The following TMEM61 variants were observed in gnomAD, a reference collection of about 807,000 sequenced individuals.
TMEM61 encodes the protein transmembrane protein 61.
A neutral mutation model predicts 12.0 loss-of-function variants in TMEM61; 13 were observed. That is an observed-to-expected ratio of 1.08 (90% CI 0.70 to 1.72). The LOEUF is 1.72. Ranked by LOEUF, TMEM61 falls within the 40% of genes most tolerant of loss-of-function variation. The pLI, the probability that TMEM61 is intolerant of heterozygous loss-of-function variation, is 0.00. For synonymous variants in TMEM61, 109 were observed against 121.4 expected, an observed-to-expected ratio of 0.90 and a Z score of 0.67; for missense variants, 249 against 276.9, an observed-to-expected ratio of 0.90 and a Z score of 0.71.
intron 2 of TMEM61, among the ~76,000 whole-genome samples, chr1:54,990,197 G>A (rs555429877): frequency 1.3e-5 from 2 of 152,220 alleles, no homozygotes; most frequent in Non-Finnish European, 2.9e-5. Context: ...GGAGGTCTGT[G>A]AGAGTTCACA....
chr1:54,991,792 G>C, intron 2 of TMEM61, 44 bp from the exon 3 acceptor site: 1 of 1,594,346 alleles, frequency 6.3e-7, no homozygotes, highest in Admixed American at 1.7e-5. Context: ...AGGCAGCAGG[G>C]TCTGCCCCAG....
chr1:54,986,251 C>T lies in TMEM61; in HGVS notation c.170C>T (p.Pro57Leu), dbSNP rs775542202. The change falls in exon 2 of 3, where the codon CCG (proline) becomes CTG (leucine). Residue 57 changes from proline (P) to leucine (L), a missense_variant. By Grantham distance (98) the Pro-to-Leu change is moderately conservative (BLOSUM62 -3). Transcript: ENST00000371268. ...CAGCTGGCCCCACCCACGGAGTATC[C>T]GGTGCCTGAGGGCCCCAGCCCCCTG... ...PGQLAPPTEY[P>L]VPEGPSPLLR... 40 of 1,613,816 alleles carry T rather than the reference C, an allele frequency of 2.5e-5. No homozygotes were observed. The highest frequency in any genetic ancestry group is 6.7e-5 in the East Asian group (3 of 44,884).
intron 1 of TMEM61, among the ~76,000 whole-genome samples, chr1:54,981,827 G>A (rs1054600981): frequency 2.0e-5 from 3 of 152,184 alleles, no homozygotes; most frequent in Non-Finnish European, 4.4e-5. Flanking sequence ...ATTCAGGCTG[G>A]CCCTGCCACC....
chr1:54,981,866 A>G (rs1209926374), intron 1 of TMEM61, among the ~76,000 whole-genome samples: 1 of 152,240 alleles, frequency 6.6e-6, no homozygotes, highest in Non-Finnish European at 1.5e-5. Flanking sequence ...GATGAAGGGC[A>G]GGGACAGGTG....
rs1176646109 is a variant in TMEM61, at chr1:54,980,653, A to T, written c.-413A>T. The T allele has an allele frequency of 5.9e-6, 1 of 170,424 alleles. No individual in the cohort carries two copies. The highest frequency in any genetic ancestry group is 1.2e-5 in the Non-Finnish European group (1 of 80,232). The allele number at this position is 170,424 out of a possible 1,614,324, so 10.6% of individuals were successfully genotyped here. A position where few individuals can be genotyped will look rare whatever the true frequency, so the allele number is the denominator to read the frequency against. On this transcript the variant is annotated 5_prime_UTR_variant, in exon 1 of 3. Coordinates refer to ENST00000371268, the MANE Select transcript of TMEM61 (RefSeq NM_182532.3). The stretch of plus-strand genomic sequence containing the variant: ...AGCGCTGGACACCTGGAGCTGCCCG[A>T]GGACGCGGAGGAGAGGTGGGGCGGG...
In TMEM61 at chr1:54,983,109, G is replaced by GTTTTTTTTTTTTTTTTTT. The variant is rs780127208; in HGVS notation, c.15+2041_15+2042insTTTTTTTTTTTTTTTTTT. Among the ~76,000 whole-genome samples, 72 of 109,534 alleles carry GTTTTTTTTTTTTTTTTTT rather than the reference G, an allele frequency of 6.6e-4. 10 individuals are homozygous for GTTTTTTTTTTTTTTTTTT. Among genetic ancestry groups the GTTTTTTTTTTTTTTTTTT allele is most frequent in the Non-Finnish European group, 1.1e-3 (60 of 54,406 alleles). The allele number at this position is 109,534 out of a possible 152,430, so 71.9% of individuals were successfully genotyped here. ...TTAGTGGTGATTTGTGTTTTGCTTT[G>GTTTTTTTTTTTTTTTTTT]TTTTTTTTTTTTGTTTTTTTTTGAG... On this transcript the variant is annotated intron_variant, in intron 1 of 2. Coordinates refer to ENST00000371268, the MANE Select transcript of TMEM61 (RefSeq NM_182532.3).
In TMEM61 at chr1:54,992,273, A is replaced by C; in HGVS notation, c.*170A>C. 1.3e-6 allele frequency: 1 copy of C among 798,162 alleles called. No individual in the cohort carries two copies. Among genetic ancestry groups the C allele is most frequent in the Non-Finnish European group, 1.9e-6 (1 of 516,976 alleles). 49.4% of individuals were successfully genotyped at this position (798,162 alleles called of 1,614,324 possible). On this transcript the variant is annotated 3_prime_UTR_variant, in exon 3 of 3. Transcript: ENST00000371268. ...CCCAGAATTTAGTGGCTTAAAATAAATCCCATTTTATTATGTCTCACGACT... is the reference window on the plus strand; with the variant it reads ...CCCAGAATTTAGTGGCTTAAAATAACTCCCATTTTATTATGTCTCACGACT...
intron 1 of TMEM61, among the ~76,000 whole-genome samples, chr1:54,982,662 C>G (rs1317117987): frequency 1.3e-5 from 2 of 152,198 alleles, no homozygotes; most frequent in Non-Finnish European, 2.9e-5. Context: ...GCCATGCATT[C>G]TAAAGAGTGA....
Position 54,980,996 on chromosome 1 carries a change from C to T in TMEM61, c.-70C>T, listed in dbSNP as rs1173035655. 7 of 1,501,420 alleles carry T rather than the reference C, an allele frequency of 4.7e-6. No homozygotes were observed. The highest frequency in any genetic ancestry group is 1.3e-5 in the South Asian group (1 of 78,566). 93.0% of individuals were successfully genotyped at this position (1,501,420 alleles called of 1,614,324 possible). Reference sequence around the variant, plus strand: ...GGTAGGGTCGCTCAGCCCTGGCGTCCTCCACCACCACACCTTCACCTGCGC... The same window carrying T: ...GGTAGGGTCGCTCAGCCCTGGCGTCTTCCACCACCACACCTTCACCTGCGC... On this transcript the variant is annotated 5_prime_UTR_variant, in exon 1 of 3. Transcript: ENST00000371268.
rs750620620 is a variant in TMEM61, at chr1:54,981,092, C to A, written c.15+12C>A. ...TGGCCCTGCCCCAGGTGGGTGGAAA[C>A]GGCCTTCTCCCTCCTTTACGGGCAC... On this transcript the variant is annotated intron_variant, in intron 1 of 2. Coordinates refer to ENST00000371268, the MANE Select transcript of TMEM61 (RefSeq NM_182532.3). The A allele has an allele frequency of 1.3e-6, 2 of 1,586,440 alleles. No individual in the cohort carries two copies. Among genetic ancestry groups the A allele is most frequent in the South Asian group, 1.2e-5 (1 of 86,588 alleles).
At chr1:54,987,389 G>C (rs1315230294) in intron 2 of TMEM61, among the ~76,000 whole-genome samples, 3 of 152,052 alleles carry the variant, frequency 2.0e-5, no homozygotes, top group Admixed American at 2.0e-4. Context: ...TTTTCATTAT[G>C]GGTCTCCCCA....
chr1:54,986,701 T>G (rs888713696), intron 2 of TMEM61, among the ~76,000 whole-genome samples: 10 of 151,838 alleles, frequency 6.6e-5, no homozygotes, highest in Non-Finnish European at 1.5e-4. Context: ...TTTAAAGACA[T>G]GGAGAAACCC....
Position 54,986,285 on chromosome 1 carries a change from C to T in TMEM61, c.204C>T (p.Ser68=), listed in dbSNP as rs551776715. ...VPEGPSPLLR[S]VSFVCCGAGG... is the part of the protein sequence containing the mutation. ...AGGGCCCCAGCCCCCTGCTCAGGTC[C>T]GTCAGCTTCGTCTGCTGCGGTGCAG... Residue 68 remains serine, a synonymous_variant, in exon 2 of 3, where the codon TCC becomes TCT. Transcript: ENST00000371268. The T allele has an allele frequency of 3.1e-5, 50 of 1,614,004 alleles. No individual in the cohort carries two copies. Among genetic ancestry groups the T allele is most frequent in the South Asian group, 1.5e-4 (14 of 91,084 alleles).
chr1:54,990,480 C>T (rs1644288295), intron 2 of TMEM61, among the ~76,000 whole-genome samples: 1 of 152,196 alleles, frequency 6.6e-6, no homozygotes, highest in African/African-American at 2.4e-5. Context: ...CAGGTTCCAT[C>T]TACCAGCATG....
At chr1:54,989,756 C>T (rs1644283186) in intron 2 of TMEM61, among the ~76,000 whole-genome samples, 1 of 152,236 alleles carries the variant, frequency 6.6e-6, no homozygotes, top group African/African-American at 2.4e-5. Context: ...GTGGGCAGAA[C>T]TCACCGGCAC....
At chr1:54,984,910 C>T (rs576391185) in intron 1 of TMEM61, among the ~76,000 whole-genome samples, 211 of 152,230 alleles carry the variant, frequency 1.4e-3, no homozygotes, top group African/African-American at 5.0e-3. Flanking sequence ...CCTAGGTTTC[C>T]GCCTCCTACA....
At chr1:54,985,836 G>A (rs1644253622) in intron 1 of TMEM61, among the ~76,000 whole-genome samples, 1 of 152,156 alleles carries the variant, frequency 6.6e-6, no homozygotes, top group African/African-American at 2.4e-5. Flanking sequence ...GGCCTGGAGG[G>A]AGGCCCTGAG....
chr1:54,982,871 A>G (rs1173081083), intron 1 of TMEM61, among the ~76,000 whole-genome samples: 2 of 152,120 alleles, frequency 1.3e-5, no homozygotes, highest in African/African-American at 4.8e-5. Flanking sequence ...TTGTCACCCT[A>G]GTGGCCACAG....
intron 1 of TMEM61, among the ~76,000 whole-genome samples, chr1:54,984,684 C>T (rs779218022): frequency 4.6e-5 from 7 of 152,142 alleles, no homozygotes; most frequent in Admixed American, 6.5e-5. Context: ...GCTCACAGAC[C>T]GGGGAGTGGG....
Sources: allele counts gnomAD v4.1 joint callset (sites outside exome capture counted in the v4.1 genomes callset), GRCh38; gene constraint gnomAD v4.1.1; transcripts MANE v1.5; gene names NCBI Gene and HGNC (gene_info 2026-07-23, HGNC 2026-07-21).